The following DENND2B variants were observed in gnomAD, a reference collection of about 807,000 sequenced individuals.
DENND2B encodes the protein DENN domain-containing protein 2B.
In DENND2B, 32 loss-of-function variants were observed where a neutral mutation model predicts 116.0. That is an observed-to-expected ratio of 0.28 (90% CI 0.21 to 0.37). The LOEUF is 0.37. Among genes scored for constraint, DENND2B ranks in the 10% least tolerant of loss-of-function variants. The probability of loss-of-function intolerance (pLI) is 1.00; values close to 1 mark genes in which losing one functional copy is unlikely to be tolerated. For synonymous variants in DENND2B, 588 were observed against 583.9 expected (o/e 1.01, Z -0.10); for missense variants, 1,276 against 1,477.7 (o/e 0.86, Z 2.24).
chr11:8,731,070 C>A lies in DENND2B; in HGVS notation c.220G>T (p.Ala74Ser). The change falls in exon 3 of 20, where the codon GCT becomes TCT. Residue 74 changes from alanine to serine, a missense_variant. Ala to Ser is a moderately conservative substitution (Grantham distance 99, BLOSUM62 1). Coordinates refer to ENST00000313726, the MANE Select transcript of DENND2B (RefSeq NM_213618.2). The stretch of plus-strand genomic sequence containing the variant: ...TCTTGAGGATTCTGGGGTGAAGGAG[C>A]TGGGGGGTGCCGGTCCTTGAGGAGC... ...RVLLKDRHPP[A>S]PSPQNPQDPS... 2.5e-6 allele frequency: 4 copies of A among 1,613,314 alleles called. No individual in the cohort carries two copies. Among genetic ancestry groups the A allele is most frequent in the Non-Finnish European group, 3.4e-6 (4 of 1,179,502 alleles).
intron 1 of DENND2B, among the ~76,000 whole-genome samples, chr11:8,757,409 A>C (rs1462958180): frequency 1.3e-5 from 2 of 152,194 alleles, no homozygotes; most frequent in Non-Finnish European, 2.9e-5. Context: ...GCAAGGTGCT[A>C]GGATATTAAC....
upstream of DENND2B, chr11:8,811,030 C>T: frequency 2.8e-6 from 1 of 355,612 alleles, no homozygotes; most frequent in Non-Finnish European, 5.0e-6. Context: ...TCCAGTGTCT[C>T]ATTTTTTATA....
intron 4 of DENND2B, among the ~76,000 whole-genome samples, chr11:8,833,949 C>T (rs1300420282): frequency 6.6e-6 from 1 of 152,166 alleles, no homozygotes; most frequent in Non-Finnish European, 1.5e-5. Flanking sequence ...TTTCACCTTA[C>T]CCTGTGGCCA....
intron 2 of DENND2B, among the ~76,000 whole-genome samples, chr11:8,863,718 T>C (rs2063485905): frequency 6.6e-6 from 1 of 152,220 alleles, no homozygotes; most frequent in Non-Finnish European, 1.5e-5. Flanking sequence ...CATTTTTCCA[T>C]GTTAACCCAC....
At chr11:8,806,690 T>C (rs2060889308) in intron 1 of DENND2B, among the ~76,000 whole-genome samples, 1 of 145,730 alleles carries the variant, frequency 6.9e-6, no homozygotes, top group African/African-American at 2.5e-5. Context: ...CTCAGGTGTT[T>C]CTATCAGCAC....
chr11:8,886,639 G>A (rs952739291), intron 1 of DENND2B, among the ~76,000 whole-genome samples: 2 of 151,400 alleles, frequency 1.3e-5, no homozygotes, highest in Non-Finnish European at 1.5e-5. Context: ...AAAGGGCACC[G>A]AGAAATTTTA....
chr11:8,866,799 G>A (rs2063595934), intron 2 of DENND2B, among the ~76,000 whole-genome samples: 3 of 152,122 alleles, frequency 2.0e-5, no homozygotes, highest in Admixed American at 2.0e-4. Context: ...ACTAAGAGGG[G>A]TCACATTCCT....
At chr11:8,713,955 C>T (rs1261621778) in intron 8 of DENND2B, 43 bp downstream of exon 8, 3 of 1,603,402 alleles carry the variant, frequency 1.9e-6, no homozygotes, top group Admixed American at 1.7e-5. Context: ...TTCCCTGCAG[C>T]CCTGCTGGGA....
At chr11:8,902,417 T>C (rs2064182212) in intron 1 of DENND2B, among the ~76,000 whole-genome samples, 1 of 152,254 alleles carries the variant, frequency 6.6e-6, no homozygotes, top group East Asian at 1.9e-4. Flanking sequence ...GTTTTTGCTT[T>C]GGTATTTTGA....
intron 2 of DENND2B, among the ~76,000 whole-genome samples, chr11:8,857,755 C>T (rs1380177454): frequency 6.6e-6 from 1 of 152,192 alleles, no homozygotes; most frequent in Non-Finnish European, 1.5e-5. Flanking sequence ...CACCTGGATG[C>T]CAGACGTGGT....
At chr11:8,902,151 C>A (rs142539316) in intron 1 of DENND2B, among the ~76,000 whole-genome samples, 12,157 of 152,022 alleles carry the variant, frequency 0.08, 715 homozygotes, top group South Asian at 0.25. Context: ...CACGGTGAAA[C>A]CCTGTCTCTA....
At chr11:8,843,960 T>C (rs552585911) in intron 3 of DENND2B, among the ~76,000 whole-genome samples, 52 of 152,382 alleles carry the variant, frequency 3.4e-4, no homozygotes, top group African/African-American at 1.2e-3. Flanking sequence ...CAAACATCTG[T>C]ATCATACTCC....
At chr11:8,772,644 A>G (rs10840119) in intron 1 of DENND2B, among the ~76,000 whole-genome samples, 32,210 of 151,954 alleles carry the variant, frequency 0.21, 3,572 homozygotes, top group South Asian at 0.34. Flanking sequence ...AGAGACAGGG[A>G]AAGAAATTAG....
chr11:8,799,252 C>T (rs1414584252), intron 1 of DENND2B, among the ~76,000 whole-genome samples: 1 of 152,174 alleles, frequency 6.6e-6, no homozygotes, highest in Non-Finnish European at 1.5e-5. Flanking sequence ...ACAGCCAAGC[C>T]AAGAGCAAAC....
rs79050107 is a variant in DENND2B, at chr11:8,693,527, G to C, written c.*569C>G. 0.017 allele frequency: 2,647 copies of C among 152,858 alleles called. 34 individuals are homozygous for C. The highest frequency in any genetic ancestry group is 0.055 in the Middle Eastern group (16 of 292). 9.5% of individuals were successfully genotyped at this position (152,858 alleles called of 1,614,324 possible). A position where few individuals can be genotyped will look rare whatever the true frequency, so the allele number is the denominator to read the frequency against. ...CCATCTCGGAGGGTGGGAGGAATGA[G>C]AGGACTAGGCCTAAGACCCTGGTGC... On this transcript the variant is annotated 3_prime_UTR_variant, in exon 20 of 20. Transcript: ENST00000313726.
At chr11:8,891,243 A>C (rs994430412) in intron 1 of DENND2B, among the ~76,000 whole-genome samples, 10 of 152,192 alleles carry the variant, frequency 6.6e-5, no homozygotes, top group Admixed American at 3.3e-4. Flanking sequence ...GAAGGAAGCA[A>C]TAAACATGGA....
intron 1 of DENND2B, among the ~76,000 whole-genome samples, chr11:8,762,720 C>T (rs984079705): frequency 2.6e-5 from 4 of 152,146 alleles, no homozygotes; most frequent in African/African-American, 7.2e-5. Context: ...ATTAGCCAGG[C>T]GTGGTGGCGC....
At chr11:8,899,280 AGGG>A (rs146987441) in intron 1 of DENND2B, among the ~76,000 whole-genome samples, 7,453 of 152,144 alleles carry the variant, frequency 0.049, 504 homozygotes, top group African/African-American at 0.16. Context: ...AGAAAGAGAA[AGGG>A]ACAGAAAAAA....
chr11:8,694,264 A>T, intron 19 of DENND2B, 134 bp from the exon 20 acceptor site: 5 of 1,074,416 alleles, frequency 4.7e-6, no homozygotes, highest in Non-Finnish European at 4.1e-6. Flanking sequence ...CTGTGATCTG[A>T]TCCAGGGTAG....
Sources: allele counts gnomAD v4.1 joint callset (sites outside exome capture counted in the v4.1 genomes callset), GRCh38; gene constraint gnomAD v4.1.1; transcripts MANE v1.5; gene names NCBI Gene and HGNC (gene_info 2026-07-23, HGNC 2026-07-21).